Variants in APBB1IP observed in about 807,000 individuals in gnomAD.
APBB1IP encodes the protein amyloid beta A4 precursor protein-binding family B member 1-interacting protein.
A neutral mutation model predicts 64.9 loss-of-function variants in APBB1IP; 27 were observed. The ratio of observed to expected loss-of-function variants is 0.42; its 90% CI spans 0.31 to 0.57. The LOEUF (loss-of-function observed/expected upper bound fraction) is 0.57. Among genes scored for constraint, APBB1IP ranks in the 20% least tolerant of loss-of-function variants. The pLI, the probability that APBB1IP is intolerant of heterozygous loss-of-function variation, is 0.20. For missense variants in APBB1IP, 812 were observed against 845.5 expected, an observed-to-expected ratio of 0.96 and a Z score of 0.49; for synonymous variants, 392 against 331.0, an observed-to-expected ratio of 1.18 and a Z score of -2.00.
chr10:26,516,228 C>T (rs1021981881), intron 8 of APBB1IP, among the ~76,000 whole-genome samples: 3 of 152,000 alleles, frequency 2.0e-5, no homozygotes, highest in African/African-American at 7.3e-5. Context: ...GTGGTCTGTG[C>T]CCTTCTCCAA....
intron 2 of APBB1IP, among the ~76,000 whole-genome samples, chr10:26,461,111 G>C (rs1400014296): frequency 6.6e-6 from 1 of 151,654 alleles, no homozygotes; most frequent in Admixed American, 6.6e-5. Flanking sequence ...GGCGTTCAGA[G>C]AGCCAGTCAA....
chr10:26,476,063 T>TA (rs1835771805), intron 2 of APBB1IP, among the ~76,000 whole-genome samples: 1 of 98,118 alleles, frequency 1.0e-5, no homozygotes, highest in Non-Finnish European at 1.8e-5. Context: ...TTATAAAAAC[T>TA]TTTTTTTTTT....
At chr10:26,444,153 C>T (rs374736823) in intron 2 of APBB1IP, among the ~76,000 whole-genome samples, 2 of 151,860 alleles carry the variant, frequency 1.3e-5, no homozygotes, top group Admixed American at 1.3e-4. Context: ...AGGGAACAGT[C>T]GAGGCTGTAG....
chr10:26,519,359 C>T (rs184437839), intron 8 of APBB1IP, among the ~76,000 whole-genome samples: 1 of 152,102 alleles, frequency 6.6e-6, no homozygotes, highest in Non-Finnish European at 1.5e-5. Context: ...AGCATGGTGG[C>T]ATCTGCTTCT....
chr10:26,482,690 T>A (rs1835849153), intron 2 of APBB1IP, among the ~76,000 whole-genome samples: 1 of 152,146 alleles, frequency 6.6e-6, no homozygotes, highest in Non-Finnish European at 1.5e-5. Context: ...TAAAAAATAA[T>A]AAAAATATCA....
intron 2 of APBB1IP, among the ~76,000 whole-genome samples, chr10:26,466,469 A>G (rs1049873478): frequency 2.6e-5 from 4 of 152,228 alleles, no homozygotes; most frequent in African/African-American, 9.6e-5. Flanking sequence ...AAAGTTTTTC[A>G]TCATCCAACA....
Position 26,513,572 on chromosome 10 carries a change from A to G in APBB1IP, c.725A>G (p.Glu242Gly). 6.2e-7 allele frequency: 1 copy of G among 1,612,648 alleles called. No individual in the cohort carries two copies. The highest frequency in any genetic ancestry group is 8.5e-7 in the Non-Finnish European group (1 of 1,179,684). Reference sequence around the variant, plus strand: ...TTTGAAGACCATGAAAATGTTGTTGAAGTCTTATCAGACTGGACAAGAGAC... The same window carrying G: ...TTTGAAGACCATGAAAATGTTGTTGGAGTCTTATCAGACTGGACAAGAGAC... ...RFFEDHENVVEVLSDWTRDTE... is the reference protein window; with the variant it reads ...RFFEDHENVVGVLSDWTRDTE... Residue 242 changes from glutamate (E) to glycine (G), a missense_variant, in exon 8 of 15, where the codon GAA becomes GGA. This residue lies in a region of APBB1IP where 394 missense variants were observed against 413.1 expected (regional missense o/e 0.95). Coordinates refer to ENST00000376236, the MANE Select transcript of APBB1IP (RefSeq NM_019043.4).
intron 2 of APBB1IP, among the ~76,000 whole-genome samples, chr10:26,465,539 G>T (rs886807017): frequency 6.6e-6 from 1 of 152,030 alleles, no homozygotes; most frequent in African/African-American, 2.4e-5. Flanking sequence ...TGCACCTTCT[G>T]ATGGGTAGAT....
chr10:26,554,101 A>G (rs1394939035), intron 11 of APBB1IP, among the ~76,000 whole-genome samples: 4 of 152,034 alleles, frequency 2.6e-5, no homozygotes, highest in South Asian at 2.1e-4. Flanking sequence ...TGCAGTAACC[A>G]CATGTCCAAG....
At chr10:26,554,452 G>C (rs1836869722) in intron 11 of APBB1IP, among the ~76,000 whole-genome samples, 1 of 152,340 alleles carries the variant, frequency 6.6e-6, no homozygotes, top group Admixed American at 6.5e-5. Flanking sequence ...GCAGCTGCGT[G>C]TGCCAATCTC....
chr10:26,446,883 T>G lies in APBB1IP; in HGVS notation c.-1+8030T>G, dbSNP rs76359646. 1.4e-3 allele frequency among the ~76,000 whole-genome samples: 174 copies of G among 124,346 alleles called. 1 individual carries two copies. Among genetic ancestry groups the G allele is most frequent in the Admixed American group, 2.9e-3 (33 of 11,498 alleles). The allele number at this position is 124,346 out of a possible 152,430, so 81.6% of individuals were successfully genotyped here. A position where few individuals can be genotyped will look rare whatever the true frequency, so the allele number is the denominator to read the frequency against. On this transcript the variant is annotated intron_variant, in intron 2 of 14. Coordinates refer to ENST00000376236, the MANE Select transcript of APBB1IP (RefSeq NM_019043.4). ...ATAGATAGATAGATAGAGAGAGAGA[T>G]AGATAGAAATAGATAGATATGGTCC...
chr10:26,455,674 A>G (rs1835517072), intron 2 of APBB1IP, among the ~76,000 whole-genome samples: 1 of 149,968 alleles, frequency 6.7e-6, no homozygotes, highest in Admixed American at 6.6e-5. Context: ...TCAGCTGTTT[A>G]GAGTTTTGGG....
At chr10:26,526,402 C>T (rs1197766866) in intron 8 of APBB1IP, among the ~76,000 whole-genome samples, 2 of 152,144 alleles carry the variant, frequency 1.3e-5, no homozygotes, top group Admixed American at 1.3e-4. Flanking sequence ...TTTATTTATT[C>T]TAATAACTTT....
chr10:26,561,064 C>CTTTTTTTTTTTTTTTTTT (rs764573338), intron 13 of APBB1IP, among the ~76,000 whole-genome samples: 6 of 69,208 alleles, frequency 8.7e-5, no homozygotes, highest in Non-Finnish European at 1.3e-4. Context: ...TTCTTTCTTT[C>CTTTTTTTTTTTTTTTTTT]TTTTTTTTTT....
intron 13 of APBB1IP, 111 bp downstream of exon 13, chr10:26,560,955 G>T: frequency 1.6e-6 from 1 of 642,418 alleles, no homozygotes; most frequent in Non-Finnish European, 2.3e-6. Context: ...TTCAGAATAT[G>T]TTTCTCACCT....
At chr10:26,561,074 T>TC (rs1836964955) in intron 13 of APBB1IP, among the ~76,000 whole-genome samples, 1 of 125,370 alleles carries the variant, frequency 8.0e-6, no homozygotes, top group Non-Finnish European at 1.7e-5. Flanking sequence ...CTTTTTTTTT[T>TC]TTTTTTTTTT....
In APBB1IP at chr10:26,500,937, A is replaced by G. The variant is rs761881866; in HGVS notation, c.279A>G (p.Gln93=). 1.8e-5 allele frequency: 29 copies of G among 1,614,080 alleles called. No homozygotes were observed. The South Asian group carries it at 3.1e-4, about 17-fold the overall frequency. ...IQAQKESLQN[Q]HHSASLQASI... is the part of the protein sequence containing the mutation. ...CACAGAAAGAGTCCTTGCAGAATCA[A>G]CATCATTCAGCATCTCTACAAGCAT... The change falls in exon 5 of 15, where the codon CAA becomes CAG. Residue 93 remains glutamine, a synonymous_variant. Coordinates refer to ENST00000376236, the MANE Select transcript of APBB1IP (RefSeq NM_019043.4).
intron 2 of APBB1IP, among the ~76,000 whole-genome samples, chr10:26,459,289 A>T (rs886965199): frequency 1.3e-5 from 2 of 151,836 alleles, no homozygotes; most frequent in African/African-American, 4.8e-5. Flanking sequence ...TTATGGCTGC[A>T]TAGTATTCCA....
chr10:26,516,609 G>A (rs1414833861), intron 8 of APBB1IP, among the ~76,000 whole-genome samples: 1 of 150,008 alleles, frequency 6.7e-6, no homozygotes, highest in Non-Finnish European at 1.5e-5. Context: ...GTGTGGTAAC[G>A]CACACATTGC....
Sources: gnomAD v4.1 joint callset for allele counts (sites outside exome capture counted in the v4.1 genomes callset) on GRCh38, gnomAD v4.1.1 for gene constraint, gnomAD v4.1.1 regional missense constraint, MANE v1.5 for transcripts, NCBI Gene and HGNC (gene_info 2026-07-23, HGNC 2026-07-21) for gene names.